ZNF804B: variants seen among roughly 807,000 people sequenced by gnomAD.
ZNF804B encodes the protein zinc finger 804B.
In ZNF804B, 80 loss-of-function variants were observed where a neutral mutation model predicts 101.4. That is an observed-to-expected ratio of 0.79 (90% CI 0.66 to 0.95). The LOEUF (loss-of-function observed/expected upper bound fraction) is 0.95. Ranked by LOEUF, ZNF804B falls within the 40% of genes least tolerant of loss-of-function variation. ZNF804B has a pLI of 0.00. For missense variants in ZNF804B, 1,673 were observed against 1,561.9 expected, an observed-to-expected ratio of 1.07 and a Z score of -1.20; for synonymous variants, 622 against 558.8, an observed-to-expected ratio of 1.11 and a Z score of -1.59.
chr7:89,115,517 G>A (rs1329056822), intron 1 of ZNF804B, among the ~76,000 whole-genome samples: 1 of 152,200 alleles, frequency 6.6e-6, no homozygotes, highest in Non-Finnish European at 1.5e-5. Flanking sequence ...GTGGAGAAGA[G>A]TAAGACATCT....
At chr7:88,909,917 G>T (rs1481828336) in intron 1 of ZNF804B, among the ~76,000 whole-genome samples, 1 of 151,616 alleles carries the variant, frequency 6.6e-6, no homozygotes, top group Non-Finnish European at 1.5e-5. Flanking sequence ...TCTGTTATTA[G>T]CTGCCTTTTG....
At chr7:88,973,354 C>A (rs1020340616) in intron 1 of ZNF804B, among the ~76,000 whole-genome samples, 4 of 151,192 alleles carry the variant, frequency 2.6e-5, no homozygotes, top group African/African-American at 9.7e-5. Flanking sequence ...ATAATAGGTA[C>A]CAAAAGCCAC....
At chr7:89,271,722 T>TATTA (rs1789899751) in intron 2 of ZNF804B, among the ~76,000 whole-genome samples, 2 of 152,134 alleles carry the variant, frequency 1.3e-5, no homozygotes, top group Admixed American at 1.3e-4. Flanking sequence ...GTTGATAAGC[T>TATTA]ATTAATTATT....
intron 1 of ZNF804B, among the ~76,000 whole-genome samples, chr7:89,159,396 C>G (rs767476275): frequency 6.9e-5 from 10 of 144,410 alleles, no homozygotes; most frequent in Non-Finnish European, 1.4e-4. Flanking sequence ...TGGATTCATG[C>G]TTGGCTTTAC....
At chr7:89,068,614 G>A (rs1235838053) in intron 1 of ZNF804B, among the ~76,000 whole-genome samples, 1 of 152,178 alleles carries the variant, frequency 6.6e-6, no homozygotes, top group African/African-American at 2.4e-5. Flanking sequence ...TACTGGAAGA[G>A]CAAGAAACAA....
At chr7:89,270,809 T>C (rs942765029) in intron 2 of ZNF804B, among the ~76,000 whole-genome samples, 2 of 152,182 alleles carry the variant, frequency 1.3e-5, no homozygotes, top group African/African-American at 2.4e-5. Context: ...TTCCTAGATA[T>C]TTTAGTATGT....
At chr7:88,800,293 A>G (rs1264496016) in intron 1 of ZNF804B, among the ~76,000 whole-genome samples, 1 of 152,102 alleles carries the variant, frequency 6.6e-6, no homozygotes. Context: ...CCAAGAAAAA[A>G]AAACAAACTA....
chr7:88,819,434 A>G (rs1790938935), intron 1 of ZNF804B, among the ~76,000 whole-genome samples: 1 of 152,010 alleles, frequency 6.6e-6, no homozygotes, highest in South Asian at 2.1e-4. Flanking sequence ...CCTGGCCAGT[A>G]TGTCCACATT....
intron 2 of ZNF804B, among the ~76,000 whole-genome samples, chr7:89,311,814 T>A (rs918674048): frequency 6.6e-6 from 1 of 152,180 alleles, no homozygotes; most frequent in African/African-American, 2.4e-5. Context: ...ATAGTATTGG[T>A]TATATTCATG....
At chr7:88,800,723 T>C (rs1328992864) in intron 1 of ZNF804B, among the ~76,000 whole-genome samples, 2 of 147,026 alleles carry the variant, frequency 1.4e-5, no homozygotes, top group African/African-American at 2.6e-5. Flanking sequence ...TGTGTGTGTG[T>C]GTGTGTGTGT....
chr7:88,984,848 A>G (rs2079276), intron 1 of ZNF804B, among the ~76,000 whole-genome samples: 150,380 of 152,152 alleles, frequency 0.99, 74,325 homozygotes, highest in Middle Eastern at 1. Context: ...ATTCAATGGT[A>G]ATCTTGAGGA....
chr7:89,187,335 AG>A (rs772969970), intron 1 of ZNF804B, among the ~76,000 whole-genome samples: 16 of 152,256 alleles, frequency 1.1e-4, no homozygotes, highest in East Asian at 1.9e-4. Flanking sequence ...CTTTCTCACC[AG>A]TCGATTGCAA....
At chr7:89,062,650 G>C (rs1453004493) in intron 1 of ZNF804B, among the ~76,000 whole-genome samples, 1 of 152,046 alleles carries the variant, frequency 6.6e-6, no homozygotes, top group Non-Finnish European at 1.5e-5. Context: ...AGTGAAGAAA[G>C]TAGTCTGAGG....
At chr7:88,903,372 G>A (rs746362574) in intron 1 of ZNF804B, among the ~76,000 whole-genome samples, 2 of 152,096 alleles carry the variant, frequency 1.3e-5, no homozygotes, top group Non-Finnish European at 2.9e-5. Flanking sequence ...CACCTAGCTT[G>A]ATTCCATATC....
chr7:89,164,700 A>T (rs1734029055), intron 1 of ZNF804B, among the ~76,000 whole-genome samples: 1 of 152,110 alleles, frequency 6.6e-6, no homozygotes, highest in South Asian at 2.1e-4. Flanking sequence ...TACCATTTTG[A>T]TTAAGAACTT....
rs182837904 is a variant in ZNF804B, at chr7:89,261,107, G to A, written c.249+42812G>A. On this transcript the variant is annotated intron_variant, in intron 2 of 3. Coordinates refer to ENST00000333190, the MANE Select transcript of ZNF804B (RefSeq NM_181646.5). ...CAGCTCAAGGCAATAGCAACAGGAG[G>A]TGACTATAAAATTATTACAGCAATA... Among the ~76,000 whole-genome samples the A allele has an allele frequency of 3.3e-5, 5 of 152,232 alleles. No individual in the cohort carries two copies. In the East Asian group the frequency reaches 9.7e-4, roughly 29 times the overall value.
intron 1 of ZNF804B, among the ~76,000 whole-genome samples, chr7:89,163,171 G>C (rs1791093020): frequency 6.6e-6 from 1 of 152,024 alleles, no homozygotes; most frequent in Non-Finnish European, 1.5e-5. Context: ...CATATTTTCA[G>C]TATTGTTTAA....
intron 2 of ZNF804B, among the ~76,000 whole-genome samples, chr7:89,323,463 A>G (rs1316565822): frequency 2.0e-5 from 3 of 152,172 alleles, no homozygotes; most frequent in African/African-American, 7.2e-5. Flanking sequence ...GTGAAGTTTA[A>G]CACAATAAAA....
At chr7:89,091,136 A>C (rs1425014015) in intron 1 of ZNF804B, among the ~76,000 whole-genome samples, 2 of 152,140 alleles carry the variant, frequency 1.3e-5, no homozygotes, top group Non-Finnish European at 2.9e-5. Context: ...GAATAATATG[A>C]AAGATTGGCT....
Sources: gnomAD v4.1 joint callset for allele counts (sites outside exome capture counted in the v4.1 genomes callset) on GRCh38, gnomAD v4.1.1 for gene constraint, MANE v1.5 for transcripts, NCBI Gene and HGNC (gene_info 2026-07-23, HGNC 2026-07-21) for gene names.